The following SNX25 variants were observed in gnomAD, a reference collection of about 807,000 sequenced individuals.
The protein encoded by SNX25 is sorting nexin 25.
A neutral mutation model predicts 113.7 loss-of-function variants in SNX25; 62 were observed. The observed-to-expected ratio is 0.55, with a 90% CI of 0.44 to 0.67. SNX25 has a LOEUF of 0.67. Among genes scored for constraint, SNX25 ranks in the 30% least tolerant of loss-of-function variants. The pLI is 0.00. For missense variants in SNX25, 1,014 were observed against 1,161.0 expected (o/e 0.87, Z 1.84); for synonymous variants, 421 against 436.2 (o/e 0.97, Z 0.43).
intron 3 of SNX25, among the ~76,000 whole-genome samples, chr4:185,262,454 T>C (rs1747459792): frequency 6.6e-6 from 1 of 152,234 alleles, no homozygotes; most frequent in Non-Finnish European, 1.5e-5. Context: ...AAAAAAAGAA[T>C]GTTTTTATTC....
chr4:185,304,048 C>G (rs1754103087), intron 6 of SNX25, among the ~76,000 whole-genome samples: 1 of 152,208 alleles, frequency 6.6e-6, no homozygotes, highest in Non-Finnish European at 1.5e-5. Flanking sequence ...GTTAAGAGGT[C>G]AAGTACCATT....
intron 1 of SNX25, among the ~76,000 whole-genome samples, chr4:185,233,421 T>C (rs1410728310): frequency 6.6e-6 from 1 of 152,220 alleles, no homozygotes; most frequent in Non-Finnish European, 1.5e-5. Context: ...AATAAACTGA[T>C]GGAAACATGA....
At chr4:185,336,399 T>C (rs1478361644) in intron 10 of SNX25, among the ~76,000 whole-genome samples, 1 of 152,166 alleles carries the variant, frequency 6.6e-6, no homozygotes, top group Non-Finnish European at 1.5e-5. Context: ...TAGCTCCCAC[T>C]TATGAGTGAG....
rs1315747129 is a variant in SNX25 at position 185,320,997 on chromosome 4, G to A, written c.1476+133G>A. On this transcript the variant is annotated intron_variant, in intron 8 of 18. Transcript: ENST00000652585. ...AAACCAAATATAATACTGACATTAT[G>A]TTCTAGCCCATAATGGCAAATAAAA... 6 of 694,044 alleles carry A rather than the reference G, an allele frequency of 8.6e-6. No individual in the cohort carries two copies. In the East Asian group the frequency reaches 1.7e-4, roughly 19 times the overall value. 43.0% of individuals were successfully genotyped at this position (694,044 alleles called of 1,614,324 possible). A position where few individuals can be genotyped will look rare whatever the true frequency, so the allele number is the denominator to read the frequency against.
intron 16 of SNX25, among the ~76,000 whole-genome samples, chr4:185,360,941 ATATAT>A (rs2095359775): frequency 6.7e-6 from 1 of 149,184 alleles, no homozygotes; most frequent in Non-Finnish European, 1.5e-5. Flanking sequence ...ATATATATAT[ATATAT>A]ATATATAGAA....
rs779914033 is a variant in SNX25, at chr4:185,267,046, G to A, written c.982G>A (p.Glu328Lys). 5 of 1,613,866 alleles carry A rather than the reference G, an allele frequency of 3.1e-6. No homozygotes were observed. Among genetic ancestry groups the A allele is most frequent in the African/African-American group, 1.3e-5 (1 of 74,870 alleles). The change falls in exon 5 of 19, where the codon GAG (glutamate) becomes AAG (lysine). Residue 328 changes from glutamate to lysine, a missense_variant. Coordinates refer to ENST00000652585, the MANE Select transcript of SNX25 (RefSeq NM_001378034.2). ...GCTGCTTGCCCAGCTGGCGTACAGAGAGCAAATGAATGAGCATCACAAGAG... is the reference window on the plus strand; with the variant it reads ...GCTGCTTGCCCAGCTGGCGTACAGAAAGCAAATGAATGAGCATCACAAGAG... ...QMLLAQLAYR[E>K]QMNEHHKRAY...
intron 6 of SNX25, among the ~76,000 whole-genome samples, chr4:185,307,602 G>A (rs1234867089): frequency 6.6e-6 from 1 of 152,048 alleles, no homozygotes; most frequent in African/African-American, 2.4e-5. Flanking sequence ...TCCATATAAA[G>A]GGAACTACTC....
intron 12 of SNX25, among the ~76,000 whole-genome samples, chr4:185,345,360 C>G (rs970648747): frequency 5.9e-5 from 9 of 152,198 alleles, no homozygotes; most frequent in African/African-American, 2.2e-4. Flanking sequence ...TTTCACAGAG[C>G]TGTTGTAAGC....
chr4:185,371,555 A>G (rs1458720813), downstream of SNX25, among the ~76,000 whole-genome samples: 2 of 151,708 alleles, frequency 1.3e-5, no homozygotes, highest in Non-Finnish European at 2.9e-5. Context: ...AAAAAAAAAA[A>G]AAAAAAAAGG....
At chr4:185,247,105 T>C (rs1744967454) in intron 1 of SNX25, among the ~76,000 whole-genome samples, 189 bp from the exon 2 acceptor site, 1 of 152,174 alleles carries the variant, frequency 6.6e-6, no homozygotes, top group Non-Finnish European at 1.5e-5. Flanking sequence ...GTAGGGAAAA[T>C]CCTTCCTTAA....
intron 5 of SNX25, among the ~76,000 whole-genome samples, chr4:185,282,511 G>A (rs773027859): frequency 4.6e-5 from 7 of 152,244 alleles, no homozygotes; most frequent in African/African-American, 7.2e-5. Flanking sequence ...GAAGTGCTGC[G>A]TAGCATTTCA....
intron 1 of SNX25, among the ~76,000 whole-genome samples, chr4:185,229,764 A>G (rs942882744): frequency 6.6e-6 from 1 of 152,166 alleles, no homozygotes; most frequent in Non-Finnish European, 1.5e-5. Flanking sequence ...GAATGGGTTT[A>G]TTTATCGCCT....
At chr4:185,319,702 C>A (rs2095105267) in intron 7 of SNX25, among the ~76,000 whole-genome samples, 1 of 151,970 alleles carries the variant, frequency 6.6e-6, no homozygotes, top group Non-Finnish European at 1.5e-5. Flanking sequence ...GTTTACAATG[C>A]CAAATAAATC....
intron 5 of SNX25, among the ~76,000 whole-genome samples, chr4:185,285,337 G>A (rs1347851443): frequency 6.6e-6 from 1 of 152,166 alleles, no homozygotes; most frequent in East Asian, 1.9e-4. Flanking sequence ...ATTTCTGTGT[G>A]TCTGGAACGT....
intron 5 of SNX25, among the ~76,000 whole-genome samples, chr4:185,273,149 C>G (rs1749192156): frequency 6.6e-6 from 1 of 152,170 alleles, no homozygotes; most frequent in Non-Finnish European, 1.5e-5. Flanking sequence ...AGTTAGGATC[C>G]AGTTCAGCTG....
chr4:185,245,697 T>C (rs1275209947), intron 1 of SNX25, among the ~76,000 whole-genome samples: 1 of 152,154 alleles, frequency 6.6e-6, no homozygotes, highest in African/African-American at 2.4e-5. Context: ...CAGACACACA[T>C]AGACTTAAAA....
In SNX25 at chr4:185,310,677, G is replaced by A; in HGVS notation, c.1205G>A (p.Arg402Lys). 6.2e-7 allele frequency: 1 copy of A among 1,613,912 alleles called. No homozygotes were observed. Among genetic ancestry groups the A allele is most frequent in the East Asian group, 2.2e-5 (1 of 44,868 alleles). Residue 402 changes from arginine to lysine, a missense_variant, in exon 7 of 19, where the codon AGG becomes AAG. By Grantham distance (26) the Arg-to-Lys change is conservative (BLOSUM62 2). Transcript: ENST00000652585. ...AAMKADLLRA[R>K]NMKRYINQLT... ...ATGAAAGCTGATCTCCTGAGGGCCAGGAACATGAAGAGGTACATCAACCAA... is the reference window on the plus strand; with the variant it reads ...ATGAAAGCTGATCTCCTGAGGGCCAAGAACATGAAGAGGTACATCAACCAA...
chr4:185,317,480 C>A (rs1490310011), intron 7 of SNX25, among the ~76,000 whole-genome samples: 1 of 152,184 alleles, frequency 6.6e-6, no homozygotes, highest in African/African-American at 2.4e-5. Context: ...GGTTTATACC[C>A]AAAGGATTAT....
At chr4:185,240,710 T>G (rs949837962) in intron 1 of SNX25, among the ~76,000 whole-genome samples, 22 of 148,854 alleles carry the variant, frequency 1.5e-4, no homozygotes, top group Non-Finnish European at 3.1e-4. Flanking sequence ...GACCCCCACC[T>G]CCCTCCCAGA....
Sources: allele counts gnomAD v4.1 joint callset (sites outside exome capture counted in the v4.1 genomes callset), GRCh38; gene constraint gnomAD v4.1.1; transcripts MANE v1.5; gene names NCBI Gene and HGNC (gene_info 2026-07-23, HGNC 2026-07-21).